The following ASPH variants were observed in gnomAD, a reference collection of about 807,000 sequenced individuals.
ASPH encodes the protein aspartate beta-hydroxylase.
A neutral mutation model predicts 118.4 loss-of-function variants in ASPH; 100 were observed. The ratio of observed to expected loss-of-function variants is 0.84; its 90% CI spans 0.72 to 1.00. ASPH has a LOEUF of 1.00. ASPH is among the 50% of genes least tolerant of loss of function. ASPH has a pLI of 0.00. For missense variants in ASPH, 920 were observed against 919.5 expected (o/e 1.00, Z -0.01); for synonymous variants, 315 against 325.6 (o/e 0.97, Z 0.35).
At chr8:61,665,255 C>T (rs1444707082) in intron 3 of ASPH, 2 of 1,587,704 alleles carry the variant, frequency 1.3e-6, no homozygotes, top group Admixed American at 3.7e-5. Context: ...AGAGCTTTAG[C>T]CGTTTCTTTT....
chr8:61,561,984 G>A (rs1212345967), intron 18 of ASPH, among the ~76,000 whole-genome samples: 2 of 152,154 alleles, frequency 1.3e-5, no homozygotes, highest in Non-Finnish European at 2.9e-5. Flanking sequence ...TCACTGAGTG[G>A]TAGCATATTG....
rs543906530 is a variant in ASPH at position 61,584,965 on chromosome 8, T to G, written c.977-936A>C. On this transcript the variant is annotated intron_variant, in intron 14 of 24. Transcript: ENST00000379454. ...CACAGTACTCAGTTCCCTGCTCCAC[T>G]GTGTGCGTCTTTAAGTCCACTGCAC... is the stretch of plus-strand genomic sequence containing the variant. 7.2e-4 allele frequency among the ~76,000 whole-genome samples: 110 copies of G among 152,382 alleles called. 2 individuals are homozygous for G. The South Asian group carries it at 0.022, about 31-fold the overall frequency.
At chr8:61,579,110 G>A (rs1587551127) in intron 15 of ASPH, 2 of 1,610,906 alleles carry the variant, frequency 1.2e-6, no homozygotes, top group Admixed American at 1.7e-5. Flanking sequence ...GGAAGCACGG[G>A]GATGACCTGT....
intron 3 of ASPH, among the ~76,000 whole-genome samples, chr8:61,670,758 C>CT (rs1420318075): frequency 6.7e-6 from 1 of 148,912 alleles, no homozygotes; most frequent in Non-Finnish European, 1.5e-5. Flanking sequence ...GATGCAGTGT[C>CT]TGAAAAAAAA....
chr8:61,581,319 C>A (rs377187960), intron 15 of ASPH, among the ~76,000 whole-genome samples: 4 of 152,204 alleles, frequency 2.6e-5, no homozygotes, highest in Non-Finnish European at 5.9e-5. Context: ...CTGCAAGACA[C>A]AAAATGTTTG....
intron 21 of ASPH, among the ~76,000 whole-genome samples, chr8:61,534,619 C>T (rs1162426011): frequency 1.3e-5 from 2 of 152,206 alleles, no homozygotes; most frequent in African/African-American, 2.4e-5. Flanking sequence ...TCCTCAATCC[C>T]ATGACACACT....
intron 1 of ASPH, among the ~76,000 whole-genome samples, chr8:61,689,439 TA>T (rs529634168): frequency 2.0e-5 from 3 of 152,302 alleles, no homozygotes; most frequent in South Asian, 2.1e-4. Flanking sequence ...TACAACATAC[TA>T]AAAGGTCATC....
chr8:61,594,227 T>C (rs1841946533), intron 14 of ASPH, among the ~76,000 whole-genome samples: 1 of 152,106 alleles, frequency 6.6e-6, no homozygotes, highest in Admixed American at 6.5e-5. Context: ...GTTAAATTAT[T>C]TGCACAACAC....
chr8:61,714,445 A>G lies in ASPH; in HGVS notation c.-74T>C, dbSNP rs3750279. The G allele has an allele frequency of 0.75, 1,017,757 of 1,360,366 alleles. 382,043 individuals carry two copies. The highest frequency in any genetic ancestry group is 0.87 in the African/African-American group (56,665 of 65,426). 84.3% of individuals were successfully genotyped at this position (1,360,366 alleles called of 1,614,324 possible). A position where few individuals can be genotyped will look rare whatever the true frequency, so the allele number is the denominator to read the frequency against. ...GCGGGGGTACACACGCGACGCGGGA[A>G]CCGCTGGCGGCGGCGGGCCGCTGGA... On this transcript the variant is annotated 5_prime_UTR_variant, in exon 1 of 25. Coordinates refer to ENST00000379454, the MANE Select transcript of ASPH (RefSeq NM_004318.4).
At chr8:61,615,019 G>A (rs1848583024) in intron 14 of ASPH, among the ~76,000 whole-genome samples, 1 of 152,102 alleles carries the variant, frequency 6.6e-6, no homozygotes, top group Non-Finnish European at 1.5e-5. Flanking sequence ...AAAATATAAT[G>A]CAATCATATC....
intron 21 of ASPH, among the ~76,000 whole-genome samples, chr8:61,536,130 C>T (rs1462873540): frequency 2.0e-5 from 3 of 149,472 alleles, no homozygotes; most frequent in Admixed American, 6.7e-5. Flanking sequence ...ACCTCTGCCT[C>T]GCAGGTTCAA....
chr8:61,624,518 C>G, intron 13 of ASPH: 1 of 964,994 alleles, frequency 1.0e-6, no homozygotes, highest in Non-Finnish European at 1.2e-6. Context: ...CCTTATACTT[C>G]AAAAATAATG....
At chr8:61,633,540 A>G in intron 13 of ASPH, 143 bp downstream of exon 13, 1 of 686,872 alleles carries the variant, frequency 1.5e-6, no homozygotes, top group South Asian at 2.6e-5. Flanking sequence ...GAACTGATCA[A>G]AACAGAAAAA....
chr8:61,539,601 A>C (rs1820960520), intron 21 of ASPH, among the ~76,000 whole-genome samples: 1 of 151,784 alleles, frequency 6.6e-6, no homozygotes, highest in Non-Finnish European at 1.5e-5. Context: ...ATCTATTAGG[A>C]GACTGCCTTT....
chr8:61,708,698 G>A (rs1370142318), intron 1 of ASPH, among the ~76,000 whole-genome samples: 4 of 152,156 alleles, frequency 2.6e-5, no homozygotes, highest in Non-Finnish European at 5.9e-5. Context: ...ATTATCAAAG[G>A]ATATTCTCCT....
chr8:61,667,343 T>C (rs1007209386), intron 3 of ASPH, among the ~76,000 whole-genome samples: 24 of 152,138 alleles, frequency 1.6e-4, no homozygotes, highest in Non-Finnish European at 3.5e-4. Flanking sequence ...AGTCTACAAA[T>C]GGCTGACAGG....
intron 19 of ASPH, among the ~76,000 whole-genome samples, chr8:61,555,289 T>A (rs1827470292): frequency 6.6e-6 from 1 of 152,052 alleles, no homozygotes. Context: ...TTTATTTATT[T>A]ATTAATTTTT....
chr8:61,682,350 T>G, intron 2 of ASPH: 1 of 1,356,766 alleles, frequency 7.4e-7, no homozygotes, highest in East Asian at 2.3e-5. Flanking sequence ...ACTTATATTC[T>G]GATGTAGATA....
intron 13 of ASPH, among the ~76,000 whole-genome samples, chr8:61,619,825 G>A (rs1002877851): frequency 1.3e-5 from 2 of 152,152 alleles, no homozygotes; most frequent in Admixed American, 6.5e-5. Flanking sequence ...AGCCCTAGTA[G>A]GAACTTATCT....
Sources: allele counts gnomAD v4.1 joint callset (sites outside exome capture counted in the v4.1 genomes callset), GRCh38; gene constraint gnomAD v4.1.1; transcripts MANE v1.5; gene names NCBI Gene and HGNC (gene_info 2026-07-23, HGNC 2026-07-21).